ENTREP2: variants seen among roughly 807,000 people sequenced by gnomAD.
ENTREP2 encodes the protein protein ENTREP2.
the ENTREP2 span, among the ~76,000 whole-genome samples, chr15:29,410,675 G>A: frequency 5.3e-5 from 8 of 152,276 alleles, no homozygotes; most frequent in African/African-American, 1.7e-4. Context: ...GGGTCATCCA[G>A]GCTAAGAACA....
the ENTREP2 span, among the ~76,000 whole-genome samples, chr15:29,393,786 CTTTA>C: frequency 6.6e-6 from 1 of 151,854 alleles, no homozygotes; most frequent in Non-Finnish European, 1.5e-5. Context: ...AAATATGAAA[CTTTA>C]TTTAGCTAAT....
chr15:29,177,557 A>T, the ENTREP2 span, among the ~76,000 whole-genome samples: 3 of 152,160 alleles, frequency 2.0e-5, no homozygotes, highest in African/African-American at 7.2e-5. Flanking sequence ...ACAACGCAGC[A>T]AGCACAGAGA....
the ENTREP2 span, among the ~76,000 whole-genome samples, chr15:29,481,203 G>T: frequency 6.6e-6 from 1 of 152,218 alleles, no homozygotes; most frequent in Non-Finnish European, 1.5e-5. Flanking sequence ...AAATCTGAGA[G>T]GCTCAGCACT....
the ENTREP2 span, among the ~76,000 whole-genome samples, chr15:29,535,531 A>T: frequency 2.4e-4 from 36 of 152,054 alleles, no homozygotes; most frequent in East Asian, 1.4e-3. Context: ...AGAAAAAAAA[A>T]TTTTTTTAAT....
chr15:29,201,598 C>T, the ENTREP2 span, among the ~76,000 whole-genome samples: 1 of 152,050 alleles, frequency 6.6e-6, no homozygotes, highest in Non-Finnish European at 1.5e-5. Context: ...AATATCAAAC[C>T]AGTTTTGAAT....
At chr15:29,535,954 A>C in the ENTREP2 span, among the ~76,000 whole-genome samples, 1 of 152,274 alleles carries the variant, frequency 6.6e-6, no homozygotes, top group East Asian at 1.9e-4. Flanking sequence ...CATTCCCCAA[A>C]GGCAGGGAGG....
the ENTREP2 span, among the ~76,000 whole-genome samples, chr15:29,640,107 A>T: frequency 6.6e-6 from 1 of 152,130 alleles, no homozygotes; most frequent in African/African-American, 2.4e-5. Flanking sequence ...AAGTTGGCCA[A>T]CCTTTACCTA....
chr15:29,263,699 G>A, the ENTREP2 span, among the ~76,000 whole-genome samples: 1 of 151,982 alleles, frequency 6.6e-6, no homozygotes, highest in East Asian at 1.9e-4. Context: ...ATGACTGATA[G>A]ATAAATATCC....
chr15:29,282,299 CTT>C, the ENTREP2 span, among the ~76,000 whole-genome samples: 5 of 152,220 alleles, frequency 3.3e-5, no homozygotes, highest in African/African-American at 1.2e-4. Flanking sequence ...CTCATTCTCT[CTT>C]GTCTGCTGCC....
At chr15:29,127,568 G>T in the ENTREP2 span, among the ~76,000 whole-genome samples, 55 of 152,158 alleles carry the variant, frequency 3.6e-4, no homozygotes, top group Non-Finnish European at 6.9e-4. Context: ...ACAGGGAAGG[G>T]TTGAGGGTCA....
the ENTREP2 span, among the ~76,000 whole-genome samples, chr15:29,173,873 A>C: frequency 1.3e-4 from 20 of 151,730 alleles, no homozygotes; most frequent in Middle Eastern, 6.8e-3. Flanking sequence ...ATGTCTTATA[A>C]TCTTTTTATT....
At chr15:29,608,012 C>T in the ENTREP2 span, among the ~76,000 whole-genome samples, 6 of 152,168 alleles carry the variant, frequency 3.9e-5, no homozygotes, top group Non-Finnish European at 2.9e-5. Context: ...CAGGAAGCAT[C>T]CAGCATGGAA....
At chr15:29,669,653 T>C in the ENTREP2 span, among the ~76,000 whole-genome samples, 1 of 152,198 alleles carries the variant, frequency 6.6e-6, no homozygotes, top group Non-Finnish European at 1.5e-5. Flanking sequence ...AGGAGGCTCC[T>C]GGAGGAAAGG....
chr15:29,170,391 C>T, the ENTREP2 span, among the ~76,000 whole-genome samples: 14 of 148,782 alleles, frequency 9.4e-5, no homozygotes, highest in East Asian at 3.9e-4. Context: ...TTTAAAGATA[C>T]GATTTACAAT....
the ENTREP2 span, among the ~76,000 whole-genome samples, chr15:29,582,599 T>C: frequency 6.6e-6 from 1 of 152,088 alleles, no homozygotes; most frequent in Admixed American, 6.5e-5. Flanking sequence ...ACAAAACAAA[T>C]ATTAAGAACT....
At chr15:29,548,805 C>G in the ENTREP2 span, among the ~76,000 whole-genome samples, 2 of 152,062 alleles carry the variant, frequency 1.3e-5, no homozygotes, top group Non-Finnish European at 2.9e-5. Flanking sequence ...TTATATTATC[C>G]TCTATACTGG....
At chr15:29,556,234 G>A in the ENTREP2 span, among the ~76,000 whole-genome samples, 1 of 152,152 alleles carries the variant, frequency 6.6e-6, no homozygotes, top group Admixed American at 6.5e-5. Context: ...TCCAGCCTGG[G>A]CTGTAGAGAG....
chr15:29,384,612 C>T, the ENTREP2 span, among the ~76,000 whole-genome samples: 8 of 152,168 alleles, frequency 5.3e-5, no homozygotes, highest in Non-Finnish European at 7.4e-5. Flanking sequence ...ACTCTGGGCA[C>T]CTCCAGGGAG....
the ENTREP2 span, among the ~76,000 whole-genome samples, chr15:29,167,540 C>A: frequency 2.0e-5 from 3 of 152,092 alleles, no homozygotes; most frequent in African/African-American, 7.2e-5. Flanking sequence ...AGAAGATATA[C>A]AAATGGCCAA....
Sources: allele counts gnomAD v4.1 joint callset (sites outside exome capture counted in the v4.1 genomes callset), GRCh38; gene constraint gnomAD v4.1.1; transcripts MANE v1.5; gene names NCBI Gene and HGNC (gene_info 2026-07-23, HGNC 2026-07-21).